DCAF6: variants seen among roughly 807,000 people sequenced by gnomAD.
The protein encoded by DCAF6 is DDB1 and CUL4 associated factor 6, also known as DDB1- and CUL4-associated factor 6.
DCAF6 carries 54 observed loss-of-function variants against 125.1 expected under a neutral mutation model. The observed-to-expected ratio is 0.43, with a 90% CI of 0.35 to 0.54. DCAF6 has a LOEUF of 0.54. Ranked by LOEUF, DCAF6 falls within the 20% of genes least tolerant of loss-of-function variation. The pLI is 0.01. For missense variants in DCAF6, 934 were observed against 1,161.7 expected (o/e 0.80, Z 2.85); for synonymous variants, 371 against 390.4 (o/e 0.95, Z 0.58).
At chr1:168,061,953 C>T (rs373589048) in intron 17 of DCAF6, among the ~76,000 whole-genome samples, 2 of 152,048 alleles carry the variant, frequency 1.3e-5, no homozygotes, top group African/African-American at 4.8e-5. Context: ...AAACAACATA[C>T]ACAAATGTGG....
chr1:167,890,888 A>G, the DCAF6 span, among the ~76,000 whole-genome samples: 1 of 152,212 alleles, frequency 6.6e-6, no homozygotes, highest in African/African-American at 2.4e-5. Context: ...CAGCTTTCCC[A>G]AGGTCACATA....
chr1:167,978,681 G>A (rs192664338), intron 4 of DCAF6, among the ~76,000 whole-genome samples: 5 of 152,066 alleles, frequency 3.3e-5, no homozygotes, highest in East Asian at 1.9e-4. Context: ...GGGAGGGTGC[G>A]GTTTGTGTGT....
At chr1:167,945,955 G>GTTTTTTT (rs1238443018) in intron 1 of DCAF6, among the ~76,000 whole-genome samples, 2 of 123,946 alleles carry the variant, frequency 1.6e-5, no homozygotes, top group Non-Finnish European at 3.4e-5. Flanking sequence ...AAATCTAAGG[G>GTTTTTTT]TTTTTTTTTT....
intron 7 of DCAF6, among the ~76,000 whole-genome samples, chr1:168,000,811 A>G (rs200226971): frequency 1.3e-5 from 2 of 152,200 alleles, no homozygotes; most frequent in East Asian, 3.9e-4. Flanking sequence ...AGAGACAGGA[A>G]GTAGATTAGT....
intron 10 of DCAF6, among the ~76,000 whole-genome samples, chr1:168,007,400 G>A (rs950026110): frequency 5.9e-5 from 9 of 151,634 alleles, no homozygotes; most frequent in Non-Finnish European, 1.2e-4. Context: ...TGCTGCTTTC[G>A]TAATGAGAAT....
At chr1:168,046,636 A>G (rs1420672105) in intron 16 of DCAF6, among the ~76,000 whole-genome samples, 1 of 152,124 alleles carries the variant, frequency 6.6e-6, no homozygotes, top group Non-Finnish European at 1.5e-5. Flanking sequence ...TAGGCAAGTA[A>G]GACTTAGTTC....
chr1:168,056,357 G>T, intron 17 of DCAF6: 3 of 1,567,512 alleles, frequency 1.9e-6, no homozygotes, highest in Middle Eastern at 2.3e-4. Flanking sequence ...AGGGCGCGGC[G>T]GGTGACGGGA....
chr1:168,064,940 T>C (rs1371337781), intron 18 of DCAF6, among the ~76,000 whole-genome samples: 1 of 152,214 alleles, frequency 6.6e-6, no homozygotes, highest in African/African-American at 2.4e-5. Context: ...TCTTTCTCAA[T>C]TGTGTTAGCT....
chr1:167,991,897 G>C (rs1680888563), intron 6 of DCAF6, among the ~76,000 whole-genome samples: 1 of 152,072 alleles, frequency 6.6e-6, no homozygotes, highest in Non-Finnish European at 1.5e-5. Context: ...CCCTGGATTA[G>C]GTGGGCCCTA....
At chr1:167,975,473 G>C (rs1023555761) in intron 4 of DCAF6, among the ~76,000 whole-genome samples, 28 of 152,206 alleles carry the variant, frequency 1.8e-4, no homozygotes, top group African/African-American at 6.3e-4. Flanking sequence ...TAAGACCTGA[G>C]CTGAATTAAA....
the DCAF6 span, among the ~76,000 whole-genome samples, chr1:167,909,748 T>C: frequency 6.6e-6 from 1 of 152,186 alleles, no homozygotes; most frequent in Non-Finnish European, 1.5e-5. Flanking sequence ...GGTATGACAG[T>C]TCAGTTGCTA....
At chr1:167,896,768 AAGAG>A in the DCAF6 span, 3 of 1,019,832 alleles carry the variant, frequency 2.9e-6, no homozygotes, top group Middle Eastern at 3.0e-4. Flanking sequence ...TCTTAGCAGA[AAGAG>A]AGTATGCTTT....
chr1:168,035,928 G>T (rs1408267056), intron 12 of DCAF6, among the ~76,000 whole-genome samples: 2 of 152,076 alleles, frequency 1.3e-5, no homozygotes, highest in Admixed American at 1.3e-4. Flanking sequence ...CAAGTGTGGT[G>T]GTGGGTGCCT....
chr1:167,882,130 A>T, the DCAF6 span, among the ~76,000 whole-genome samples: 1 of 152,220 alleles, frequency 6.6e-6, no homozygotes, highest in Non-Finnish European at 1.5e-5. Flanking sequence ...TGGGAAATCA[A>T]TTCTCACATA....
At chr1:168,022,432 T>A (rs943586358) in intron 11 of DCAF6, among the ~76,000 whole-genome samples, 2 of 152,220 alleles carry the variant, frequency 1.3e-5, no homozygotes, top group Non-Finnish European at 2.9e-5. Flanking sequence ...CAATATACTG[T>A]AGAGTTTTTA....
At chr1:167,932,822 AAAAAAG>A (rs1670947410), upstream of DCAF6, among the ~76,000 whole-genome samples, 2 of 151,420 alleles carry the variant, frequency 1.3e-5, no homozygotes, top group Non-Finnish European at 2.9e-5. Flanking sequence ...AAAAAAAAAA[AAAAAAG>A]AAAAGAAAAG....
At chr1:167,899,446 C>G in the DCAF6 span, 1 of 1,614,214 alleles carries the variant, frequency 6.2e-7, no homozygotes, top group Non-Finnish European at 8.5e-7. Context: ...TGATCTGGAA[C>G]ACTCTCAATT....
chr1:167,883,707 G>T, the DCAF6 span: 2 of 1,333,586 alleles, frequency 1.5e-6, no homozygotes, highest in East Asian at 2.3e-5. Flanking sequence ...CCTCATACCC[G>T]AAATCATCTA....
chr1:167,904,873 T>G, the DCAF6 span: 1 of 1,321,498 alleles, frequency 7.6e-7, no homozygotes, highest in African/African-American at 1.4e-5. Flanking sequence ...GGAGCACATC[T>G]GCTGTGACAG....
Sources: allele counts gnomAD v4.1 joint callset (sites outside exome capture counted in the v4.1 genomes callset), GRCh38; gene constraint gnomAD v4.1.1; transcripts MANE v1.5; gene names NCBI Gene and HGNC (gene_info 2026-07-23, HGNC 2026-07-21).